The following MED27 variants were observed in gnomAD, a reference collection of about 807,000 sequenced individuals.
MED27 encodes the protein mediator complex subunit 27.
Under a neutral mutation model 38.2 loss-of-function variants are expected in MED27, and 30 were observed. That is an observed-to-expected ratio of 0.79 (90% CI 0.59 to 1.07). The LOEUF (loss-of-function observed/expected upper bound fraction) is 1.07. MED27 is among the 50% of genes least tolerant of loss of function. MED27 has a pLI of 0.00. For synonymous variants in MED27, 122 were observed against 153.5 expected (o/e 0.79, Z 1.52); for missense variants, 289 against 397.5 (o/e 0.73, Z 2.32).
intron 6 of MED27, chr9:131,869,384 C>G (rs1222753927): frequency 3.1e-6 from 3 of 971,492 alleles, no homozygotes; most frequent in Non-Finnish European, 3.6e-6. Context: ...AAAAAACAGG[C>G]CTGGGGCAAA....
chr9:131,965,928 T>C (rs1247763590), intron 3 of MED27, among the ~76,000 whole-genome samples: 1 of 151,154 alleles, frequency 6.6e-6, no homozygotes, highest in South Asian at 2.1e-4. Context: ...TTTTGCAAAA[T>C]ATAACGCACC....
In MED27 at chr9:131,872,259, G is replaced by A. The variant is rs115569394; in HGVS notation, c.724-9119C>T. 3.9e-5 allele frequency among the ~76,000 whole-genome samples: 6 copies of A among 152,186 alleles called. No homozygotes were observed. Among genetic ancestry groups the A allele is most frequent in the Non-Finnish European group, 5.9e-5 (4 of 67,996 alleles). The stretch of plus-strand genomic sequence containing the variant: ...GGGGACAGGACTGTGGCCGAGCAGC[G>A]CCTGGGGGAGCTGAGCTTGAACAGA... On this transcript the variant is annotated intron_variant, in intron 6 of 7. Coordinates refer to ENST00000292035, the MANE Select transcript of MED27 (RefSeq NM_004269.4). The surrounding 1 kb of genome is among the most constrained non-coding windows in gnomAD (Gnocchi z 5.6).
At chr9:131,886,663 A>G (rs1305157424) in intron 5 of MED27, among the ~76,000 whole-genome samples, 2 of 152,374 alleles carry the variant, frequency 1.3e-5, no homozygotes, top group East Asian at 3.9e-4. Flanking sequence ...TTACCTCCAG[A>G]TAACTCTGAG....
intron 2 of MED27, among the ~76,000 whole-genome samples, chr9:132,044,221 A>G (rs1833282920): frequency 6.6e-6 from 1 of 152,158 alleles, no homozygotes; most frequent in African/African-American, 2.4e-5. Context: ...TGGCTGAGGG[A>G]CCTGACATGG....
chr9:131,882,758 C>A (rs1181004717), intron 6 of MED27, among the ~76,000 whole-genome samples: 2 of 152,212 alleles, frequency 1.3e-5, no homozygotes, highest in African/African-American at 4.8e-5. Flanking sequence ...CTCTGACTAG[C>A]CTAATCAGAA....
intron 4 of MED27, among the ~76,000 whole-genome samples, chr9:131,939,098 C>T (rs190662294): frequency 2.6e-5 from 4 of 152,184 alleles, no homozygotes; most frequent in Non-Finnish European, 4.4e-5. Flanking sequence ...ACAGATTCGC[C>T]AAAACATTGG....
intron 4 of MED27, among the ~76,000 whole-genome samples, chr9:131,933,427 T>C (rs1789488555): frequency 6.6e-6 from 1 of 151,988 alleles, no homozygotes; most frequent in South Asian, 2.1e-4. Flanking sequence ...ATACAAAATA[T>C]ACAGAAATCA....
rs1279180023 is a variant in MED27, at chr9:131,982,389, A to C, written c.479+31948T>G. Among the ~76,000 whole-genome samples, 1 of 151,938 alleles carries C rather than the reference A, an allele frequency of 6.6e-6. No individual in the cohort carries two copies. Among genetic ancestry groups the C allele is most frequent in the Non-Finnish European group, 1.5e-5 (1 of 67,976 alleles). ...CCAACCAACCACACAACTGAATACA[A>C]CTCCCTGAATGATCACTGACAAGAT... On this transcript the variant is annotated intron_variant, in intron 3 of 7. Transcript: ENST00000292035. The surrounding 1 kb of genome is among the most constrained non-coding windows in gnomAD (Gnocchi z 4.3).
chr9:131,945,962 A>C (rs1049787073), intron 3 of MED27, among the ~76,000 whole-genome samples: 2 of 134,348 alleles, frequency 1.5e-5, no homozygotes, highest in Admixed American at 1.6e-4. Context: ...ATCAGACCCT[A>C]TCTCTTAAAA....
intron 6 of MED27, among the ~76,000 whole-genome samples, chr9:131,880,540 A>G (rs1321297248): frequency 6.6e-6 from 1 of 152,234 alleles, no homozygotes; most frequent in East Asian, 1.9e-4. Flanking sequence ...AAGGAATCTC[A>G]GAAAGGCTTC....
At chr9:131,866,011 CA>C (rs1204690614) in intron 6 of MED27, among the ~76,000 whole-genome samples, 8 of 152,194 alleles carry the variant, frequency 5.3e-5, no homozygotes, top group Non-Finnish European at 1.2e-4. Flanking sequence ...TTTGCCTGAG[CA>C]CCCTAGGGTC....
rs1389521281 is a variant in MED27, at chr9:132,051,372, T to C, written c.348+26070A>G. On this transcript the variant is annotated intron_variant, in intron 2 of 7. Transcript: ENST00000292035. The surrounding 1 kb of genome is among the most constrained non-coding windows in gnomAD (Gnocchi z 4.2). ...AATGTACTTTGTTCTGAAGTCTAAC[T>C]ACGTTGGGGAAAAAAGAGGGCTTGT... Among the ~76,000 whole-genome samples, 1 of 152,180 alleles carries C rather than the reference T, an allele frequency of 6.6e-6. No homozygotes were observed. Among genetic ancestry groups the C allele is most frequent in the Admixed American group, 6.5e-5 (1 of 15,276 alleles).
At chr9:131,908,733 A>C (rs1055425837) in intron 4 of MED27, among the ~76,000 whole-genome samples, 3 of 152,142 alleles carry the variant, frequency 2.0e-5, no homozygotes, top group Non-Finnish European at 4.4e-5. Flanking sequence ...AGGGACACAA[A>C]CACTGCGGAA....
intron 6 of MED27, among the ~76,000 whole-genome samples, chr9:131,879,668 T>C (rs1328527988): frequency 6.6e-6 from 1 of 152,206 alleles, no homozygotes; most frequent in African/African-American, 2.4e-5. Context: ...CCCAATGCAC[T>C]TCATGCCACT....
chr9:132,073,881 C>G, intron 2 of MED27: 1 of 1,169,448 alleles, frequency 8.6e-7, no homozygotes, highest in Non-Finnish European at 1.1e-6. Flanking sequence ...GAAAGGCGGA[C>G]GTCTTAGTCT....
intron 4 of MED27, among the ~76,000 whole-genome samples, chr9:131,896,888 C>T (rs762431973): frequency 1.3e-5 from 2 of 152,202 alleles, no homozygotes; most frequent in African/African-American, 2.4e-5. Flanking sequence ...TGCGCCACCA[C>T]GCCCAGCTAA....
chr9:131,887,346 A>G (rs1839157044), intron 5 of MED27, among the ~76,000 whole-genome samples: 1 of 152,164 alleles, frequency 6.6e-6, no homozygotes, highest in African/African-American at 2.4e-5. Context: ...TCAGGACCCT[A>G]GGGAAAAGCT....
chr9:132,047,088 A>G (rs1833356529), intron 2 of MED27, among the ~76,000 whole-genome samples: 1 of 152,174 alleles, frequency 6.6e-6, no homozygotes, highest in South Asian at 2.1e-4. Context: ...GCAATCTTAA[A>G]GATATGTATG....
intron 4 of MED27, among the ~76,000 whole-genome samples, chr9:131,904,433 C>T (rs894485355): frequency 6.6e-6 from 1 of 152,146 alleles, no homozygotes; most frequent in African/African-American, 2.4e-5. Flanking sequence ...CAGGGTCTTG[C>T]TCCATTACCC....
Sources: allele counts gnomAD v4.1 joint callset (sites outside exome capture counted in the v4.1 genomes callset), GRCh38; gene constraint gnomAD v4.1.1; non-coding constraint Gnocchi (gnomAD v3.1); transcripts MANE v1.5; gene names NCBI Gene and HGNC (gene_info 2026-07-23, HGNC 2026-07-21).